The following RALGAPA2 variants were observed in gnomAD, a reference collection of about 807,000 sequenced individuals.
RALGAPA2 encodes Ral GTPase activating protein catalytic subunit alpha 2.
In RALGAPA2, 139 loss-of-function variants were observed where a neutral mutation model predicts 230.4. That is an observed-to-expected ratio of 0.60 (90% confidence interval 0.53 to 0.69). The LOEUF (loss-of-function observed/expected upper bound fraction) is 0.69. Among genes scored for constraint, RALGAPA2 ranks in the 30% least tolerant of loss-of-function variants. The probability of loss-of-function intolerance (pLI) is 0.00; values close to 1 mark genes in which losing one functional copy is unlikely to be tolerated. For missense variants in RALGAPA2, 2,163 were observed against 2,276.0 expected (o/e 0.95, Z 1.01); for synonymous variants, 847 against 837.8 (o/e 1.01, Z -0.19).
At position 20,605,349 on chromosome 20, in the gene RALGAPA2, C is replaced by T; in HGVS notation, c.1864G>A (p.Asp622Asn). The change falls in exon 15 of 40, where the codon GAC becomes AAC. Residue 622 changes from aspartate to asparagine, a missense_variant. By Grantham distance (23) the Asp-to-Asn change is conservative (BLOSUM62 1). Transcript: ENST00000202677. ...CVYISRELWD[D>N]FLGVLSSLTE... Reference sequence around the variant, plus strand: ...AGGGAGGACAGCACACCAAGAAAGTCATCCCAGAGCTCTCGAGAAATGTAC... The same window carrying T: ...AGGGAGGACAGCACACCAAGAAAGTTATCCCAGAGCTCTCGAGAAATGTAC... 6.2e-7 allele frequency: 1 copy of T among 1,613,910 alleles called. No individual in the cohort carries two copies. Among genetic ancestry groups the T allele is most frequent in the Non-Finnish European group, 8.5e-7 (1 of 1,179,852 alleles).
At chr20:20,705,451 C>T (rs2069557707) in intron 1 of RALGAPA2, among the ~76,000 whole-genome samples, 1 of 152,142 alleles carries the variant, frequency 6.6e-6, no homozygotes, top group Non-Finnish European at 1.5e-5. Flanking sequence ...GATCCTCTCA[C>T]TTAACCCTAG....
Position 20,571,537 on chromosome 20 carries a change from C to T in RALGAPA2, c.3077G>A (p.Arg1026His), listed in dbSNP as rs760132255. ...ATCTGAGTTTGGCAGAACGTCCTGG[C>T]GTCTGGTCATCATGGCACAGATCAG... Reference protein sequence around the residue: ...YRLICAMMTRRQDVLPNSDFL... With the variant: ...YRLICAMMTRHQDVLPNSDFL... The change falls in exon 23 of 40, where the codon CGC becomes CAC. Residue 1026 changes from arginine (R) to histidine (H), a missense_variant. Transcript: ENST00000202677. The T allele has an allele frequency of 5.0e-6, 8 of 1,612,418 alleles. No individual in the cohort carries two copies. Among genetic ancestry groups the T allele is most frequent in the Admixed American group, 1.7e-5 (1 of 59,792 alleles).
rs142838637 is a variant in RALGAPA2 at position 20,566,099 on chromosome 20, A to C, written c.3156+5359T>G. Among the ~76,000 whole-genome samples, 1,118 of 152,354 alleles carry C rather than the reference A, an allele frequency of 7.3e-3. 11 individuals carry two copies. The highest frequency in any genetic ancestry group is 0.026 in the African/African-American group (1,072 of 41,582). On this transcript the variant is annotated intron_variant, in intron 23 of 39. Coordinates refer to ENST00000202677, the MANE Select transcript of RALGAPA2 (RefSeq NM_020343.4). Reference sequence around the variant, plus strand: ...TCAACAGTGATGGTGGTGCCGGAGCAGAACCTCCATGACAGGAGGACCCAG... The same window carrying C: ...TCAACAGTGATGGTGGTGCCGGAGCCGAACCTCCATGACAGGAGGACCCAG...
intron 3 of RALGAPA2, among the ~76,000 whole-genome samples, chr20:20,662,022 T>C (rs1041607146): frequency 3.3e-5 from 5 of 152,210 alleles, no homozygotes; most frequent in African/African-American, 9.6e-5. Context: ...AAATGGGGGA[T>C]ATTAACACAC....
chr20:20,536,896 G>A lies in RALGAPA2; in HGVS notation c.3286-112C>T, dbSNP rs139721792. On this transcript the variant is annotated intron_variant, in intron 24 of 39. Transcript: ENST00000202677. ...GATAAAAAATACCAAACTTGGCCGA[G>A]TTATTCTCTTCCAAGTGCATATTTA... is the stretch of plus-strand genomic sequence containing the variant. The A allele has an allele frequency of 2.6e-3, 3,265 of 1,247,822 alleles. 10 individuals are homozygous for A. Among genetic ancestry groups the A allele is most frequent in the Non-Finnish European group, 3.2e-3 (3,017 of 929,942 alleles). 77.3% of individuals were successfully genotyped at this position (1,247,822 alleles called of 1,614,324 possible).
At chr20:20,402,270 T>C (rs2059859207) in intron 38 of RALGAPA2, among the ~76,000 whole-genome samples, 1 of 152,236 alleles carries the variant, frequency 6.6e-6, no homozygotes, top group African/African-American at 2.4e-5. Context: ...TCTCTACATG[T>C]ACATAAAGAA....
intron 37 of RALGAPA2, among the ~76,000 whole-genome samples, chr20:20,449,334 G>C (rs540359572): frequency 6.6e-6 from 1 of 152,342 alleles, no homozygotes; most frequent in South Asian, 2.1e-4. Context: ...GGAAAGCTGT[G>C]TGAGTCTACA....
At chr20:20,692,517 C>T (rs1603248922) in intron 1 of RALGAPA2, among the ~76,000 whole-genome samples, 1 of 152,162 alleles carries the variant, frequency 6.6e-6, no homozygotes, top group African/African-American at 2.4e-5. Flanking sequence ...GTGCCCCTCT[C>T]GGAACCTGGC....
intron 37 of RALGAPA2, among the ~76,000 whole-genome samples, chr20:20,463,769 C>T (rs1569421798): frequency 6.6e-6 from 1 of 152,172 alleles, no homozygotes; most frequent in African/African-American, 2.4e-5. Context: ...TATGGAATGA[C>T]CTTTTGCTCT....
At chr20:20,684,904 T>G (rs2068646688) in intron 1 of RALGAPA2, among the ~76,000 whole-genome samples, 1 of 152,222 alleles carries the variant, frequency 6.6e-6, no homozygotes. Flanking sequence ...ATCAGATATT[T>G]TATCTTTAAT....
At chr20:20,662,730 C>T (rs1436127588) in intron 3 of RALGAPA2, among the ~76,000 whole-genome samples, 2 of 152,118 alleles carry the variant, frequency 1.3e-5, no homozygotes, top group Non-Finnish European at 1.5e-5. Flanking sequence ...ACATAAAAGA[C>T]ACCATTCCTG....
rs1233166931 is a variant in RALGAPA2, at chr20:20,677,628, CATTTT to C, written c.218-1345_218-1341del. Among the ~76,000 whole-genome samples the C allele has an allele frequency of 1.1e-4, 14 of 121,836 alleles. 1 individual carries two copies. Among genetic ancestry groups the C allele is most frequent in the African/African-American group, 4.7e-4 (14 of 29,634 alleles). 79.9% of individuals were successfully genotyped at this position (121,836 alleles called of 152,430 possible). A position where few individuals can be genotyped will look rare whatever the true frequency, so the allele number is the denominator to read the frequency against. Reference sequence around the variant, plus strand: ...AGCAGCCAAGAATCATGATTTGACCCATTTTTTTTTTTTTTTTTTTTTTTTTTTTT... The same window carrying C: ...AGCAGCCAAGAATCATGATTTGACCCTTTTTTTTTTTTTTTTTTTTTTTTT... On this transcript the variant is annotated intron_variant, in intron 2 of 39. Transcript: ENST00000202677.
At chr20:20,532,254 T>C (rs1411546753) in intron 26 of RALGAPA2, among the ~76,000 whole-genome samples, 2 of 152,220 alleles carry the variant, frequency 1.3e-5, no homozygotes, top group African/African-American at 4.8e-5. Flanking sequence ...TAAAGTATAT[T>C]TAAATACAAC....
chr20:20,630,923 G>GA lies in RALGAPA2; in HGVS notation c.1006-1334dup, dbSNP rs200162806. Reference sequence around the variant, plus strand: ...CCCATTTTCCCCACAAACTAAAAAAGAAAAAAAAAATATGCACATAGATAG... The same window carrying GA: ...CCCATTTTCCCCACAAACTAAAAAAGAAAAAAAAAAATATGCACATAGATAG... On this transcript the variant is annotated intron_variant, in intron 9 of 39. Coordinates refer to ENST00000202677, the MANE Select transcript of RALGAPA2 (RefSeq NM_020343.4). Among the ~76,000 whole-genome samples, 748 of 147,458 alleles carry GA rather than the reference G, an allele frequency of 5.1e-3. 5 individuals are homozygous for GA. The highest frequency in any genetic ancestry group is 0.017 in the African/African-American group (702 of 40,158).
At chr20:20,452,323 T>A (rs1199458117) in intron 37 of RALGAPA2, among the ~76,000 whole-genome samples, 3 of 152,148 alleles carry the variant, frequency 2.0e-5, no homozygotes, top group Non-Finnish European at 4.4e-5. Flanking sequence ...GCTGGAGGGG[T>A]TAAAAGTGTG....
At chr20:20,641,877 A>T (rs915959913) in intron 5 of RALGAPA2, among the ~76,000 whole-genome samples, 5 of 151,818 alleles carry the variant, frequency 3.3e-5, no homozygotes, top group Non-Finnish European at 7.4e-5. Context: ...TAAATAAATA[A>T]ATAAAAATAT....
At position 20,528,871 on chromosome 20, in the gene RALGAPA2, T is replaced by G. The variant is rs1299698093; in HGVS notation, c.3583-2509A>C. ...CCCATGAAGCAGGCTGAGGCTGGGCTGGGGGTGGGGCCAAGGCCCCCACTG... is the reference window on the plus strand; with the variant it reads ...CCCATGAAGCAGGCTGAGGCTGGGCGGGGGGTGGGGCCAAGGCCCCCACTG... On this transcript the variant is annotated intron_variant, in intron 27 of 39. Transcript: ENST00000202677. 1.3e-5 allele frequency among the ~76,000 whole-genome samples: 2 copies of G among 152,190 alleles called. 1 individual carries two copies. The highest frequency in any genetic ancestry group is 2.9e-5 in the Non-Finnish European group (2 of 68,022).
chr20:20,571,741 C>T, intron 22 of RALGAPA2, 107 bp downstream of exon 22: 2 of 1,455,602 alleles, frequency 1.4e-6, no homozygotes, highest in East Asian at 2.5e-5. Context: ...TTTAGTAAGA[C>T]CCAGCCTGTC....
rs899300245 is a variant in RALGAPA2 at position 20,609,720 on chromosome 20, G to A, written c.1800+1595C>T. Among the ~76,000 whole-genome samples, 67 of 152,206 alleles carry A rather than the reference G, an allele frequency of 4.4e-4. 1 individual carries two copies. The highest frequency in any genetic ancestry group is 7.3e-5 in the Non-Finnish European group (5 of 68,034). ...CCACTTGGCAGCCCAGGTCCAGGACGGGGAGCTCGAAAGGGTGCCAACAGT... is the reference window on the plus strand; with the variant it reads ...CCACTTGGCAGCCCAGGTCCAGGACAGGGAGCTCGAAAGGGTGCCAACAGT... On this transcript the variant is annotated intron_variant, in intron 14 of 39. Coordinates refer to ENST00000202677, the MANE Select transcript of RALGAPA2 (RefSeq NM_020343.4).
Sources: allele counts gnomAD v4.1 joint callset (sites outside exome capture counted in the v4.1 genomes callset), GRCh38; gene constraint gnomAD v4.1.1; transcripts MANE v1.5; gene names NCBI Gene and HGNC (gene_info 2026-07-23, HGNC 2026-07-21).